PIP5K1A: variants seen among roughly 807,000 people sequenced by gnomAD.
The protein encoded by PIP5K1A is phosphatidylinositol-4-phosphate 5-kinase type 1 alpha.
A neutral mutation model predicts 72.9 loss-of-function variants in PIP5K1A; 46 were observed. The observed-to-expected ratio is 0.63, with a 90% confidence interval of 0.50 to 0.81. The LOEUF is 0.81. PIP5K1A is among the 30% of genes least tolerant of loss of function. The pLI is 0.00. For synonymous variants in PIP5K1A, 228 were observed against 255.1 expected, an observed-to-expected ratio of 0.89 and a Z score of 1.01; for missense variants, 458 against 706.1, an observed-to-expected ratio of 0.65 and a Z score of 3.98.
intron 1 of PIP5K1A, among the ~76,000 whole-genome samples, chr1:151,203,716 C>G (rs1166156657): frequency 6.6e-6 from 1 of 151,146 alleles, no homozygotes; most frequent in Non-Finnish European, 1.5e-5. Flanking sequence ...CCCAGCTACT[C>G]GGAAGGCTGA....
chr1:151,208,756 G>A (rs1179681150), intron 1 of PIP5K1A, among the ~76,000 whole-genome samples: 3 of 116,264 alleles, frequency 2.6e-5, no homozygotes, highest in Non-Finnish European at 3.5e-5. Flanking sequence ...TTTTGGAGAC[G>A]GAGTCTTGCT....
chr1:151,243,310 C>T (rs768127754), intron 14 of PIP5K1A, among the ~76,000 whole-genome samples: 8 of 152,166 alleles, frequency 5.3e-5, no homozygotes, highest in Non-Finnish European at 1.0e-4. Flanking sequence ...AAATTAGGTC[C>T]GGTTGGATGA....
intron 8 of PIP5K1A, 91 bp from the exon 9 acceptor site, chr1:151,236,467 C>T: frequency 4.8e-6 from 4 of 837,360 alleles, no homozygotes; most frequent in Non-Finnish European, 5.7e-6. Flanking sequence ...CAGATTGATA[C>T]CCTTTCTCAA....
chr1:151,246,877 C>G, intron 14 of PIP5K1A, 43 bp from the exon 15 acceptor site: 1 of 1,485,520 alleles, frequency 6.7e-7, no homozygotes, highest in East Asian at 2.3e-5. Flanking sequence ...TTGTTGTCTT[C>G]TAATTCTTTT....
chr1:151,221,077 C>T (rs1688337849), intron 1 of PIP5K1A, among the ~76,000 whole-genome samples: 1 of 152,156 alleles, frequency 6.6e-6, no homozygotes, highest in Non-Finnish European at 1.5e-5. Context: ...ACAGGTTTCA[C>T]ATATTCCATT....
intron 1 of PIP5K1A, among the ~76,000 whole-genome samples, chr1:151,210,352 GT>G (rs749410222): frequency 0.012 from 1,781 of 144,112 alleles, 37 homozygotes; most frequent in African/African-American, 0.042. Flanking sequence ...CCACACTGCT[GT>G]TTTTTTTTTT....
chr1:151,236,616 A>G lies in PIP5K1A; in HGVS notation c.998A>G (p.Asp333Gly), dbSNP rs587729901. ...CTCTTGATGTCAATCCATAATATAG[A>G]TCATGCACAACGAGAGCCCTTAAGC... ...YSLLMSIHNI[D>G]HAQREPLSSE... Residue 333 changes from aspartate to glycine, a missense_variant, in exon 9 of 16, where the codon GAT becomes GGT. Around this residue, in one of 3 missense-constraint regions of PIP5K1A, gnomAD observed 220 missense variants for 442.6 expected, o/e 0.50. Transcript: ENST00000368888. The G allele has an allele frequency of 3.7e-6, 6 of 1,613,184 alleles. No homozygotes were observed. Among genetic ancestry groups the G allele is most frequent in the Non-Finnish European group, 5.1e-6 (6 of 1,179,228 alleles).
At position 151,244,611 on chromosome 1, in the gene PIP5K1A, G is replaced by A. The variant is rs1039218228; in HGVS notation, c.1640+2044G>A. On this transcript the variant is annotated intron_variant, in intron 14 of 15. Transcript: ENST00000368888. Reference sequence around the variant, plus strand: ...GCAGTGGTTGCAGTGAGCCGAAATCGCGCCACTGGACTCTAGCCTGGGTGA... The same window carrying A: ...GCAGTGGTTGCAGTGAGCCGAAATCACGCCACTGGACTCTAGCCTGGGTGA... Among the ~76,000 whole-genome samples the A allele has an allele frequency of 5.3e-5, 8 of 152,290 alleles. No homozygotes were observed. In the East Asian group the frequency reaches 1.2e-3, roughly 22 times the overall value.
At chr1:151,209,372 C>T (rs1428882228) in intron 1 of PIP5K1A, among the ~76,000 whole-genome samples, 2 of 151,692 alleles carry the variant, frequency 1.3e-5, no homozygotes, top group African/African-American at 2.4e-5. Flanking sequence ...CTCCTGGGTT[C>T]AAGCAATTCT....
At chr1:151,220,681 G>T (rs1049646637) in intron 1 of PIP5K1A, among the ~76,000 whole-genome samples, 6 of 152,046 alleles carry the variant, frequency 3.9e-5, no homozygotes, top group African/African-American at 1.4e-4. Context: ...TGGCAAGGCT[G>T]GTCTCGAACT....
rs1690203493 is a variant in PIP5K1A at position 151,232,292 on chromosome 1, G to A, written c.413G>A (p.Arg138His). Reference sequence around the variant, plus strand: ...CCTGCTCATCACTACAATGACTTTCGTTTCAAGACCTATGCACCTGTTGCC... The same window carrying A: ...CCTGCTCATCACTACAATGACTTTCATTTCAAGACCTATGCACCTGTTGCC... ...LTPAHHYNDF[R>H]FKTYAPVAFR... The change falls in exon 6 of 16, where the codon CGT becomes CAT. Residue 138 changes from arginine to histidine, a missense_variant. Physicochemically the swap from Arg to His is conservative, Grantham distance 29 (BLOSUM62 0). This residue lies in a region of PIP5K1A where 220 missense variants were observed against 442.6 expected (regional missense o/e 0.50). Coordinates refer to ENST00000368888, the MANE Select transcript of PIP5K1A (RefSeq NM_001135638.2). 1 of 1,613,970 alleles carries A rather than the reference G, an allele frequency of 6.2e-7. No homozygotes were observed. The highest frequency in any genetic ancestry group is 8.5e-7 in the Non-Finnish European group (1 of 1,179,996).
intron 7 of PIP5K1A, chr1:151,233,182 T>A (rs1690356816): frequency 6.4e-6 from 1 of 155,632 alleles, no homozygotes; most frequent in Non-Finnish European, 1.4e-5. Context: ...AGGGGTTTTG[T>A]TTATCTGTTC....
chr1:151,239,990 T>A lies in PIP5K1A; in HGVS notation c.1314T>A (p.Ala438=), dbSNP rs761126634. 16 of 1,613,094 alleles carry A rather than the reference T, an allele frequency of 9.9e-6. No homozygotes were observed. The South Asian group carries it at 1.6e-4, about 17-fold the overall frequency. Residue 438 remains alanine (A), a synonymous_variant, in exon 12 of 16, where the codon GCT becomes GCA. Transcript: ENST00000368888. ...CAGTGCATCGCCCAGGCTTCTACGC[T>A]GAACGGTTCCAGCGCTTCATGTGCA... ...TVSVHRPGFY[A]ERFQRFMCNT... is the part of the protein sequence containing the mutation.
intron 7 of PIP5K1A, among the ~76,000 whole-genome samples, chr1:151,232,964 G>A (rs1026934937): frequency 2.0e-5 from 3 of 151,916 alleles, no homozygotes; most frequent in Non-Finnish European, 4.4e-5. Context: ...GCCAGGCGTG[G>A]TAGCGGGCGC....
At chr1:151,233,304 ATTTTC>A in intron 7 of PIP5K1A, 2 of 151,296 alleles carry the variant, frequency 1.3e-5, no homozygotes, top group East Asian at 3.9e-4. Flanking sequence ...TTATAAACTT[ATTTTC>A]TTTTATTTTT....
Position 151,232,628 on chromosome 1 carries a change from C to T in PIP5K1A, c.564C>T (p.Asp188=), listed in dbSNP as rs587724514. 1.2e-5 allele frequency: 20 copies of T among 1,612,576 alleles called. No individual in the cohort carries two copies. The highest frequency in any genetic ancestry group is 6.7e-5 in the Admixed American group (4 of 59,438). Residue 188 remains aspartate (D), a synonymous_variant, in exon 7 of 16, where the codon GAC becomes GAT. Transcript: ENST00000368888. The part of the protein sequence containing the change: ...ASGSLFYVSS[D]DEFIIKTVQH... ...GTTCCCTATTCTATGTGTCCAGCGACGATGAGTTCATTATTAAGACAGTCC... is the reference window on the plus strand; with the variant it reads ...GTTCCCTATTCTATGTGTCCAGCGATGATGAGTTCATTATTAAGACAGTCC...
chr1:151,197,332 G>A (rs373942257), upstream of PIP5K1A, among the ~76,000 whole-genome samples: 23 of 152,142 alleles, frequency 1.5e-4, no homozygotes, highest in African/African-American at 5.5e-4. Context: ...AGGCTAGAGT[G>A]CAGTGGCGCG....
intron 1 of PIP5K1A, among the ~76,000 whole-genome samples, chr1:151,218,120 T>C (rs1687900066): frequency 6.6e-6 from 1 of 152,146 alleles, no homozygotes; most frequent in South Asian, 2.1e-4. Flanking sequence ...GACAAAAAGG[T>C]ATTTTCTATG....
In PIP5K1A at chr1:151,227,344, A is replaced by G; in HGVS notation, c.181A>G (p.Ile61Val). 1 of 1,612,786 alleles carries G rather than the reference A, an allele frequency of 6.2e-7. No individual in the cohort carries two copies. The highest frequency in any genetic ancestry group is 8.5e-7 in the Non-Finnish European group (1 of 1,178,878). Residue 61 changes from isoleucine to valine, a missense_variant, in exon 4 of 16, where the codon ATC becomes GTC. Physicochemically the swap from Ile to Val is conservative, Grantham distance 29. Coordinates refer to ENST00000368888, the MANE Select transcript of PIP5K1A (RefSeq NM_001135638.2). ...GGTGCCTTATGCCTCTGGCATGCCC[A>G]TCAAGAAAATAGGCCATAGAAGTGT... is the stretch of plus-strand genomic sequence containing the variant. ...SLVPYASGMP[I>V]KKIGHRSVDS...
Sources: gnomAD v4.1 joint callset for allele counts (sites outside exome capture counted in the v4.1 genomes callset) on GRCh38, gnomAD v4.1.1 for gene constraint, gnomAD v4.1.1 regional missense constraint, MANE v1.5 for transcripts, NCBI Gene and HGNC (gene_info 2026-07-23, HGNC 2026-07-21) for gene names.